Variants in RALGAPA1 observed in about 807,000 individuals in gnomAD.
RALGAPA1 encodes ral GTPase-activating protein subunit alpha-1.
RALGAPA1 carries 52 observed loss-of-function variants against 269.6 expected under a neutral mutation model. The observed-to-expected ratio is 0.19, with a 90% CI of 0.15 to 0.24. The LOEUF is 0.24. Among genes scored for constraint, RALGAPA1 ranks in the 10% least tolerant of loss-of-function variants. The probability of loss-of-function intolerance (pLI) is 1.00; values close to 1 mark genes in which losing one functional copy is unlikely to be tolerated. For missense variants in RALGAPA1, 1,917 were observed against 3,013.9 expected, an observed-to-expected ratio of 0.64 and a Z score of 8.52; for synonymous variants, 817 against 1,008.3, an observed-to-expected ratio of 0.81 and a Z score of 3.60.
intron 12 of RALGAPA1, among the ~76,000 whole-genome samples, chr14:35,731,862 T>A (rs1360813187): frequency 6.6e-6 from 1 of 152,014 alleles, no homozygotes; most frequent in African/African-American, 2.4e-5. Context: ...GACCTACACA[T>A]CCAAATACAA....
At chr14:35,782,556 C>T (rs1192304140) in intron 1 of RALGAPA1, among the ~76,000 whole-genome samples, 2 of 152,078 alleles carry the variant, frequency 1.3e-5, no homozygotes, top group Admixed American at 1.3e-4. Context: ...GCCTCAGCAT[C>T]CAGAGTAGCT....
chr14:35,759,535 ATAACTT>A (rs910791830), intron 6 of RALGAPA1, among the ~76,000 whole-genome samples: 41 of 152,230 alleles, frequency 2.7e-4, no homozygotes, highest in African/African-American at 9.9e-4. Context: ...GAATAAAGAA[ATAACTT>A]TAACTTATTT....
Position 35,775,568 on chromosome 14 carries a change from T to C in RALGAPA1, c.217+67A>G, listed in dbSNP as rs996719872. On this transcript the variant is annotated intron_variant, in intron 2 of 41. Coordinates refer to ENST00000680220, the MANE Select transcript of RALGAPA1 (RefSeq NM_001346249.2). ...AAGTGAAACAATATGTCCAACAGCC[T>C]TTAAGTTATGTTTATGACAATTATT... is the stretch of plus-strand genomic sequence containing the variant. 9.3e-6 allele frequency: 14 copies of C among 1,504,478 alleles called. No individual in the cohort carries two copies. The Admixed American group carries it at 3.7e-4, about 39-fold the overall frequency. 93.2% of individuals were successfully genotyped at this position (1,504,478 alleles called of 1,614,324 possible).
In RALGAPA1 at chr14:35,799,657, C is replaced by T. The variant is rs114811026; in HGVS notation, c.106+9073G>A. Reference sequence around the variant, plus strand: ...GAAAATAATCATAAAATTTACTCAACTAATTCAAAAGAAGGGAGAAAAAAG... The same window carrying T: ...GAAAATAATCATAAAATTTACTCAATTAATTCAAAAGAAGGGAGAAAAAAG... On this transcript the variant is annotated intron_variant, in intron 1 of 41. Coordinates refer to ENST00000680220, the MANE Select transcript of RALGAPA1 (RefSeq NM_001346249.2). Among the ~76,000 whole-genome samples, 782 of 151,180 alleles carry T rather than the reference C, an allele frequency of 5.2e-3. 2 individuals carry two copies. The highest frequency in any genetic ancestry group is 0.018 in the African/African-American group (746 of 41,292).
intron 37 of RALGAPA1, 54 bp from the exon 38 acceptor site, chr14:35,572,772 C>T: frequency 8.4e-7 from 1 of 1,192,264 alleles, no homozygotes; most frequent in Non-Finnish European, 1.1e-6. Flanking sequence ...TGAGTACAGT[C>T]ATACAGTCAC....
chr14:35,554,109 A>T (rs1369167830), intron 39 of RALGAPA1, among the ~76,000 whole-genome samples: 10 of 152,150 alleles, frequency 6.6e-5, no homozygotes, highest in African/African-American at 2.4e-4. Flanking sequence ...GTACAACTTA[A>T]ATCATATTTG....
chr14:35,790,720 TATAA>T (rs1036677399), intron 1 of RALGAPA1, among the ~76,000 whole-genome samples: 4 of 147,972 alleles, frequency 2.7e-5, no homozygotes, highest in African/African-American at 9.9e-5. Context: ...TTGGAACAAG[TATAA>T]ATAATGATTG....
chr14:35,629,565 G>A lies in RALGAPA1; in HGVS notation c.5996-1614C>T, dbSNP rs183130174. Among the ~76,000 whole-genome samples, 247 of 151,934 alleles carry A rather than the reference G, an allele frequency of 1.6e-3. 1 individual carries two copies. The highest frequency in any genetic ancestry group is 5.6e-3 in the African/African-American group (233 of 41,420). On this transcript the variant is annotated intron_variant, in intron 33 of 41. Coordinates refer to ENST00000680220, the MANE Select transcript of RALGAPA1 (RefSeq NM_001346249.2). ...GTCTCCCAGGCTGGAGTGCAGTGGC[G>A]CAATCTTGGCTCACTGCAACCTCCA...
At chr14:35,635,710 T>C (rs2061624218) in intron 31 of RALGAPA1, 112 bp from the exon 32 acceptor site, 1 of 839,116 alleles carries the variant, frequency 1.2e-6, no homozygotes, top group Admixed American at 3.8e-5. Context: ...TCATCAACCC[T>C]AAGTTCCACT....
At chr14:35,775,152 A>T (rs2074929735) in intron 2 of RALGAPA1, 97 bp from the exon 3 acceptor site, 6 of 708,526 alleles carry the variant, frequency 8.5e-6, no homozygotes, top group African/African-American at 5.5e-5. Context: ...TTTTCCCAGC[A>T]ATTATTTAGT....
intron 16 of RALGAPA1, among the ~76,000 whole-genome samples, chr14:35,713,746 A>T (rs995451859): frequency 6.6e-6 from 1 of 152,212 alleles, no homozygotes; most frequent in Non-Finnish European, 1.5e-5. Context: ...ATTCTTGAGA[A>T]TAGGAAATAA....
Position 35,664,709 on chromosome 14 carries a change from T to C in RALGAPA1, c.5261A>G (p.Tyr1754Cys), listed in dbSNP as rs764745649. The C allele has an allele frequency of 5.6e-6, 9 of 1,612,796 alleles. No individual in the cohort carries two copies. Among genetic ancestry groups the C allele is most frequent in the Middle Eastern group, 3.3e-4 (2 of 6,076 alleles). ...LGSLVCFPNL[Y>C]CELPSLHPNI... ...GGGATGAAGAGAAGGCAGTTCACAA[T>C]ATAAGTTGGGAAAGCAAACCAAAGA... Residue 1754 changes from tyrosine to cysteine, a missense_variant, in exon 27 of 42, where the codon TAT (tyrosine) becomes TGT (cysteine). Physicochemically the swap from Tyr to Cys is radical, Grantham distance 194. Around this residue, in one of 11 missense-constraint regions of RALGAPA1, gnomAD observed 346 missense variants for 566.1 expected, o/e 0.61. Transcript: ENST00000680220.
At chr14:35,648,854 T>A (rs1453200582) in intron 31 of RALGAPA1, among the ~76,000 whole-genome samples, 1 of 152,156 alleles carries the variant, frequency 6.6e-6, no homozygotes, top group African/African-American at 2.4e-5. Flanking sequence ...ATGATTTGAT[T>A]GTCTTCTATG....
intron 6 of RALGAPA1, among the ~76,000 whole-genome samples, chr14:35,759,808 A>T (rs1403703736): frequency 6.6e-6 from 1 of 151,434 alleles, no homozygotes; most frequent in African/African-American, 2.4e-5. Flanking sequence ...GCTACTCGGG[A>T]GGCTGAGGCA....
chr14:35,702,466 G>C lies in RALGAPA1; in HGVS notation c.2267-2164C>G, dbSNP rs184734726. Among the ~76,000 whole-genome samples the C allele has an allele frequency of 3.5e-4, 54 of 152,248 alleles. 1 individual carries two copies. The highest frequency in any genetic ancestry group is 7.2e-4 in the Admixed American group (11 of 15,284). On this transcript the variant is annotated intron_variant, in intron 16 of 41. Transcript: ENST00000680220. Reference sequence around the variant, plus strand: ...TACCATGCTGTGTATTAAAGATCAAGTGTATTTTAAAAACAACCCATATAC... The same window carrying C: ...TACCATGCTGTGTATTAAAGATCAACTGTATTTTAAAAACAACCCATATAC...
At chr14:35,612,817 T>C (rs770545227) in intron 35 of RALGAPA1, among the ~76,000 whole-genome samples, 6 of 152,156 alleles carry the variant, frequency 3.9e-5, no homozygotes, top group Non-Finnish European at 5.9e-5. Flanking sequence ...GGATTACAGG[T>C]GTGAGCCACC....
At chr14:35,658,808 C>A (rs527750164) in intron 28 of RALGAPA1, among the ~76,000 whole-genome samples, 1 of 151,658 alleles carries the variant, frequency 6.6e-6, no homozygotes, top group South Asian at 2.1e-4. Flanking sequence ...GTACCTGCTA[C>A]TGCATTTCAA....
chr14:35,685,548 G>C (rs982032991), intron 19 of RALGAPA1, among the ~76,000 whole-genome samples: 1 of 152,056 alleles, frequency 6.6e-6, no homozygotes, highest in African/African-American at 2.4e-5. Context: ...AAAAAGAAAG[G>C]GGCGGGGTAT....
chr14:35,574,246 C>T (rs1385752338), intron 37 of RALGAPA1, among the ~76,000 whole-genome samples: 1 of 152,212 alleles, frequency 6.6e-6, no homozygotes, highest in African/African-American at 2.4e-5. Flanking sequence ...TTATCTGCTA[C>T]ATTAACCCTT....
Sources: gnomAD v4.1 joint callset for allele counts (sites outside exome capture counted in the v4.1 genomes callset) on GRCh38, gnomAD v4.1.1 for gene constraint, gnomAD v4.1.1 regional missense constraint, MANE v1.5 for transcripts, NCBI Gene and HGNC (gene_info 2026-07-23, HGNC 2026-07-21) for gene names.